The following RYR2 variants were observed in gnomAD, a reference collection of about 807,000 sequenced individuals.
RYR2 encodes the protein ryanodine receptor 2.
RYR2 carries 227 observed loss-of-function variants against 601.1 expected under a neutral mutation model. The ratio of observed to expected loss-of-function variants is 0.38; its 90% CI spans 0.34 to 0.42. The LOEUF (loss-of-function observed/expected upper bound fraction) is 0.42, where lower values mean the gene tolerates loss of function less well. RYR2 is among the 10% of genes least tolerant of loss of function. The pLI, the probability that RYR2 is intolerant of heterozygous loss-of-function variation, is 1.00. For synonymous variants in RYR2, 2,223 were observed against 2,175.1 expected (o/e 1.02, Z -0.61); for missense variants, 4,646 against 6,156.5 (o/e 0.75, Z 8.21).
intron 1 of RYR2, among the ~76,000 whole-genome samples, chr1:237,087,649 AAGTTGAATT>A (rs1184141867): frequency 1.3e-5 from 2 of 152,072 alleles, no homozygotes; most frequent in East Asian, 3.9e-4. Flanking sequence ...AAGTGCATGG[AAGTTGAATT>A]TATCAGTGGA....
intron 3 of RYR2, among the ~76,000 whole-genome samples, chr1:237,335,240 C>T (rs1410525692): frequency 6.6e-6 from 1 of 152,150 alleles, no homozygotes; most frequent in Non-Finnish European, 1.5e-5. Context: ...AATAAAGTTT[C>T]ATAATTTAAG....
chr1:237,594,912 T>TTTTTG (rs1675700330), intron 33 of RYR2, among the ~76,000 whole-genome samples: 2 of 73,264 alleles, frequency 2.7e-5, no homozygotes, highest in African/African-American at 7.4e-5. Context: ...TTTTTTTTTT[T>TTTTTG]TTTTTTTTTT....
chr1:237,774,484 C>T (rs896732696), intron 87 of RYR2, among the ~76,000 whole-genome samples: 3 of 152,108 alleles, frequency 2.0e-5, no homozygotes, highest in African/African-American at 7.2e-5. Context: ...AGGAAGACCT[C>T]CTCCAGGCTC....
intron 10 of RYR2, among the ~76,000 whole-genome samples, chr1:237,397,552 A>G (rs1441517456): frequency 6.6e-6 from 1 of 152,146 alleles, no homozygotes; most frequent in Admixed American, 6.5e-5. Context: ...TTCAAAGATT[A>G]TTTAATCTGC....
At chr1:237,320,499 A>G (rs80280169) in intron 2 of RYR2, among the ~76,000 whole-genome samples, 5,800 of 152,226 alleles carry the variant, frequency 0.038, 255 homozygotes, top group African/African-American at 0.11. Flanking sequence ...TCATCTGTAA[A>G]GATTAATAGG....
intron 19 of RYR2, among the ~76,000 whole-genome samples, chr1:237,494,299 A>C (rs1663784214): frequency 6.6e-6 from 1 of 152,194 alleles, no homozygotes; most frequent in South Asian, 2.1e-4. Flanking sequence ...AGCCCCTGGC[A>C]AACCACTGCT....
At chr1:237,629,791 T>C (rs1358898277) in intron 41 of RYR2, among the ~76,000 whole-genome samples, 2 of 152,174 alleles carry the variant, frequency 1.3e-5, no homozygotes, top group African/African-American at 4.8e-5. Flanking sequence ...ACATTTTAAC[T>C]CAGAAAACAA....
At chr1:237,229,665 G>A (rs756181777) in intron 1 of RYR2, among the ~76,000 whole-genome samples, 9 of 152,224 alleles carry the variant, frequency 5.9e-5, no homozygotes, top group Admixed American at 1.3e-4. Flanking sequence ...AAGTGGCTGC[G>A]GGGGTGGGGA....
At chr1:237,345,481 T>TAAAA (rs898741264) in intron 3 of RYR2, among the ~76,000 whole-genome samples, 5 of 144,842 alleles carry the variant, frequency 3.5e-5, no homozygotes, top group Non-Finnish European at 3.0e-5. Context: ...AAATAAAAAA[T>TAAAA]AAAAAAAAAT....
At chr1:237,677,507 G>A (rs755656617) in intron 60 of RYR2, among the ~76,000 whole-genome samples, 25 of 152,056 alleles carry the variant, frequency 1.6e-4, no homozygotes, top group Non-Finnish European at 3.4e-4. Context: ...ATGCTAATTT[G>A]CCAACCTAAT....
chr1:237,348,962 G>C (rs1050555693), intron 3 of RYR2, among the ~76,000 whole-genome samples: 2 of 152,098 alleles, frequency 1.3e-5, no homozygotes, highest in Non-Finnish European at 2.9e-5. Flanking sequence ...AAAATATCCA[G>C]ACTGGCCTAT....
At chr1:237,626,574 C>CTTTTTTTTTTTTTTTTTT in intron 40 of RYR2, among the ~76,000 whole-genome samples, 1 of 60,094 alleles carries the variant, frequency 1.7e-5, no homozygotes, top group Non-Finnish European at 3.7e-5. Context: ...TTTTCTTTTT[C>CTTTTTTTTTTTTTTTTTT]TTTTTCTTTT....
At chr1:237,690,635 A>G (rs1686857696) in intron 63 of RYR2, among the ~76,000 whole-genome samples, 1 of 152,160 alleles carries the variant, frequency 6.6e-6, no homozygotes. Context: ...GCCAAGGCGG[A>G]CAGATCACTT....
intron 79 of RYR2, among the ~76,000 whole-genome samples, chr1:237,737,785 C>G (rs567552171): frequency 1.3e-5 from 2 of 152,302 alleles, no homozygotes; most frequent in South Asian, 2.1e-4. Context: ...TGTTTTCAAT[C>G]CATCTAAACA....
chr1:237,552,860 G>A (rs892070847), intron 27 of RYR2, among the ~76,000 whole-genome samples: 1 of 151,578 alleles, frequency 6.6e-6, no homozygotes, highest in African/African-American at 2.4e-5. Context: ...TACAAATCTT[G>A]GTATATAATT....
At chr1:237,240,663 GCC>G (rs1686053342) in intron 1 of RYR2, among the ~76,000 whole-genome samples, 1 of 13,112 alleles carries the variant, frequency 7.6e-5, no homozygotes, top group South Asian at 2.3e-3. Flanking sequence ...CTCTATAAAA[GCC>G]AAAAAAAAAA....
chr1:237,493,723 A>G (rs935822278), intron 19 of RYR2, among the ~76,000 whole-genome samples: 8 of 152,348 alleles, frequency 5.3e-5, no homozygotes, highest in Non-Finnish European at 8.8e-5. Context: ...AAATGCTGGG[A>G]TTACAGGCGT....
At chr1:237,284,122 C>T (rs1691190702) in intron 2 of RYR2, among the ~76,000 whole-genome samples, 1 of 152,184 alleles carries the variant, frequency 6.6e-6, no homozygotes, top group South Asian at 2.1e-4. Flanking sequence ...GTGGCTCACG[C>T]CTGTAATCCC....
intron 102 of RYR2, among the ~76,000 whole-genome samples, 167 bp downstream of exon 102, chr1:237,828,612 G>A (rs533899524): frequency 6.9e-4 from 105 of 152,302 alleles, no homozygotes; most frequent in Non-Finnish European, 1.2e-3. Flanking sequence ...GTTGAGCTGC[G>A]TGGTCGGCTG....
Sources: allele counts gnomAD v4.1 joint callset (sites outside exome capture counted in the v4.1 genomes callset), GRCh38; gene constraint gnomAD v4.1.1; transcripts MANE v1.5; gene names NCBI Gene and HGNC (gene_info 2026-07-23, HGNC 2026-07-21).